Variants in SIL1 observed in about 807,000 individuals in gnomAD.
The protein encoded by SIL1 is SIL1 nucleotide exchange factor, also known as nucleotide exchange factor SIL1.
Under a neutral mutation model 49.1 loss-of-function variants are expected in SIL1, and 40 were observed. That is an observed-to-expected ratio of 0.81 (90% confidence interval 0.63 to 1.06). SIL1 has a LOEUF of 1.06. Ranked by LOEUF, SIL1 falls within the 50% of genes least tolerant of loss-of-function variation. The probability of loss-of-function intolerance (pLI) is 0.00; values close to 1 mark genes in which losing one functional copy is unlikely to be tolerated. For synonymous variants in SIL1, 253 were observed against 250.8 expected (o/e 1.01, Z -0.08); for missense variants, 500 against 572.6 (o/e 0.87, Z 1.29).
chr5:139,141,592 G>C (rs1751081419), intron 1 of SIL1, among the ~76,000 whole-genome samples: 1 of 152,114 alleles, frequency 6.6e-6, no homozygotes, highest in African/African-American at 2.4e-5. Context: ...AGGAGTTCAG[G>C]GCTGCAGTGA....
chr5:139,106,441 A>C (rs1770714730), intron 3 of SIL1, among the ~76,000 whole-genome samples: 1 of 152,242 alleles, frequency 6.6e-6, no homozygotes, highest in African/African-American at 2.4e-5. Context: ...TTGTCACAGC[A>C]TTGAGTAATC....
intron 1 of SIL1, among the ~76,000 whole-genome samples, chr5:139,165,739 C>G (rs1224647817): frequency 1.3e-5 from 2 of 152,104 alleles, no homozygotes; most frequent in African/African-American, 4.8e-5. Flanking sequence ...TTTACTGCAA[C>G]CTCCGCTTCC....
At chr5:139,066,583 T>G (rs1432443365) in intron 3 of SIL1, among the ~76,000 whole-genome samples, 2 of 152,254 alleles carry the variant, frequency 1.3e-5, no homozygotes, top group African/African-American at 4.8e-5. Context: ...CCTCTATTCA[T>G]TTTCTCTTAG....
intron 3 of SIL1, among the ~76,000 whole-genome samples, chr5:139,108,817 G>A (rs1002457965): frequency 6.6e-6 from 1 of 151,954 alleles, no homozygotes; most frequent in African/African-American, 2.4e-5. Flanking sequence ...GCTGCAGGTA[G>A]AGGCAGCTAG....
intron 3 of SIL1, among the ~76,000 whole-genome samples, chr5:139,057,813 G>C (rs1221923987): frequency 6.6e-6 from 1 of 152,190 alleles, no homozygotes; most frequent in Non-Finnish European, 1.5e-5. Context: ...GGAAGTCCAA[G>C]ATCACACCAG....
chr5:139,092,497 G>C (rs983616250), intron 3 of SIL1, among the ~76,000 whole-genome samples: 12 of 152,212 alleles, frequency 7.9e-5, no homozygotes, highest in African/African-American at 2.9e-4. Context: ...CGAAATGGAA[G>C]GGGATGCAAG....
At chr5:139,135,314 G>A (rs1750949970) in intron 1 of SIL1, among the ~76,000 whole-genome samples, 1 of 152,146 alleles carries the variant, frequency 6.6e-6, no homozygotes, top group Non-Finnish European at 1.5e-5. Context: ...AAGAGGGACT[G>A]CTCTCAACAA....
At chr5:139,029,458 G>A (rs1347424026) in intron 5 of SIL1, among the ~76,000 whole-genome samples, 1 of 152,206 alleles carries the variant, frequency 6.6e-6, no homozygotes, top group Non-Finnish European at 1.5e-5. Context: ...TCCATACTTA[G>A]AAAGATGTAT....
At chr5:139,108,552 G>A (rs1451846185) in intron 3 of SIL1, among the ~76,000 whole-genome samples, 1 of 152,164 alleles carries the variant, frequency 6.6e-6, no homozygotes, top group Non-Finnish European at 1.5e-5. Flanking sequence ...GGCAGGCTGG[G>A]AAGAATTCCA....
intron 3 of SIL1, among the ~76,000 whole-genome samples, chr5:139,088,763 T>A (rs1324400772): frequency 1.3e-5 from 2 of 152,312 alleles, no homozygotes; most frequent in East Asian, 3.9e-4. Context: ...CTGTAACTAG[T>A]GACTGAGCCA....
chr5:139,176,113 G>A (rs988907016), intron 1 of SIL1, among the ~76,000 whole-genome samples: 3 of 151,858 alleles, frequency 2.0e-5, no homozygotes, highest in Admixed American at 6.6e-5. Context: ...CTCCCACATC[G>A]GCCTCCCAAA....
chr5:139,144,715 A>T (rs139225998), intron 1 of SIL1, among the ~76,000 whole-genome samples: 4,621 of 152,260 alleles, frequency 0.03, 105 homozygotes, highest in Non-Finnish European at 0.051. Context: ...TACTAAAAAT[A>T]CAAAAATTAG....
chr5:139,142,429 G>C (rs1007184844), intron 1 of SIL1, among the ~76,000 whole-genome samples: 4 of 152,070 alleles, frequency 2.6e-5, no homozygotes, highest in African/African-American at 9.7e-5. Flanking sequence ...CATATTAAGA[G>C]AATTATACAA....
chr5:139,159,946 A>G (rs1245576163), intron 1 of SIL1, among the ~76,000 whole-genome samples: 3 of 152,192 alleles, frequency 2.0e-5, no homozygotes, highest in Admixed American at 6.5e-5. Flanking sequence ...CAACCTAAAA[A>G]AAAATTTCCT....
chr5:138,990,033 G>A (rs1255185157), intron 7 of SIL1, among the ~76,000 whole-genome samples: 2 of 152,134 alleles, frequency 1.3e-5, no homozygotes, highest in East Asian at 1.9e-4. Context: ...GGAATTTCAC[G>A]TTAAGGGTCA....
At chr5:139,057,891 A>C (rs1353657516) in intron 3 of SIL1, among the ~76,000 whole-genome samples, 1 of 152,150 alleles carries the variant, frequency 6.6e-6, no homozygotes, top group East Asian at 1.9e-4. Flanking sequence ...CACATGGTGG[A>C]AGGGGCCAGG....
chr5:139,050,953 T>C lies in SIL1; in HGVS notation c.338A>G (p.Asn113Ser). Residue 113 changes from asparagine to serine, a missense_variant, in exon 4 of 10, where the codon AAT becomes AGT. Physicochemically the swap from Asn to Ser is conservative, Grantham distance 46. Coordinates refer to ENST00000394817, the MANE Select transcript of SIL1 (RefSeq NM_022464.5). ...KLQYEDKFRN[N>S]LKGKRLDINT... Reference sequence around the variant, plus strand: ...GACACTGTACCTTTTGCCTTTCAAATTATTTCGGAACTTGTCCTCATATTG... The same window carrying C: ...GACACTGTACCTTTTGCCTTTCAAACTATTTCGGAACTTGTCCTCATATTG... 1 of 1,614,160 alleles carries C rather than the reference T, an allele frequency of 6.2e-7. No homozygotes were observed. The highest frequency in any genetic ancestry group is 8.5e-7 in the Non-Finnish European group (1 of 1,179,984).
chr5:139,114,347 GTC>G (rs1353120547), intron 3 of SIL1, among the ~76,000 whole-genome samples: 5 of 152,196 alleles, frequency 3.3e-5, no homozygotes, highest in African/African-American at 1.2e-4. Flanking sequence ...GAGAAATGAG[GTC>G]TCTCTGCAAT....
chr5:139,021,330 A>G, intron 6 of SIL1, 38 bp from the exon 7 acceptor site: 2 of 1,612,588 alleles, frequency 1.2e-6, no homozygotes, highest in East Asian at 2.2e-5. Context: ...CATAGCCATC[A>G]GGGACAGGAA....
Sources: allele counts gnomAD v4.1 joint callset (sites outside exome capture counted in the v4.1 genomes callset), GRCh38; gene constraint gnomAD v4.1.1; transcripts MANE v1.5; gene names NCBI Gene and HGNC (gene_info 2026-07-23, HGNC 2026-07-21).